Variants in GAL observed in about 807,000 individuals in gnomAD.
GAL encodes galanin peptides.
In GAL, 14 loss-of-function variants were observed where a neutral mutation model predicts 15.8. The ratio of observed to expected loss-of-function variants is 0.89; its 90% CI spans 0.59 to 1.39. The LOEUF (loss-of-function observed/expected upper bound fraction) is 1.39, where lower values mean the gene tolerates loss of function less well. GAL is among the 40% of genes most tolerant of loss of function. The probability of loss-of-function intolerance (pLI) is 0.00; values close to 1 mark genes in which losing one functional copy is unlikely to be tolerated. For synonymous variants in GAL, 79 were observed against 73.8 expected (o/e 1.07, Z -0.36); for missense variants, 176 against 170.4 (o/e 1.03, Z -0.18).
chr11:68,688,488 G>A (rs1945875297), intron 4 of GAL, among the ~76,000 whole-genome samples: 1 of 152,200 alleles, frequency 6.6e-6, no homozygotes, highest in Non-Finnish European at 1.5e-5. Context: ...AATTAGCCAG[G>A]CGTGGTGGTG....
At chr11:68,685,732 G>T in intron 3 of GAL, 84 bp downstream of exon 3, 2 of 928,736 alleles carry the variant, frequency 2.2e-6, no homozygotes, top group Non-Finnish European at 3.5e-6. Context: ...CTCCGCCTGC[G>T]GCTGGGCAGA....
chr11:68,690,846 G>GT (rs1945897920), intron 5 of GAL, 71 bp from the exon 6 acceptor site: 1 of 966,072 alleles, frequency 1.0e-6, no homozygotes, highest in Non-Finnish European at 1.7e-6. Flanking sequence ...CCTGTAGCAT[G>GT]TGTCGTGGTT....
At chr11:68,687,624 G>C (rs1321923050) in intron 3 of GAL, among the ~76,000 whole-genome samples, 1 of 152,168 alleles carries the variant, frequency 6.6e-6, no homozygotes, top group Non-Finnish European at 1.5e-5. Flanking sequence ...AGGGACATGA[G>C]GACCCAGCTC....
Position 68,684,670 on chromosome 11 carries a change from G to A in GAL, c.-63G>A, listed in dbSNP as rs1019988363. On this transcript the variant is annotated 5_prime_UTR_variant, in exon 1 of 6. Coordinates refer to ENST00000265643, the MANE Select transcript of GAL (RefSeq NM_015973.5). The stretch of plus-strand genomic sequence containing the variant: ...ACCCGGCCCGACGCCCGGACCTGCC[G>A]CCCAGACCCGCCACCGCACCCGGAC... 4.1e-5 allele frequency: 15 copies of A among 366,992 alleles called. No individual in the cohort carries two copies. Among genetic ancestry groups the A allele is most frequent in the African/African-American group, 1.9e-4 (9 of 47,248 alleles). The allele number at this position is 366,992 out of a possible 1,614,324, so 22.7% of individuals were successfully genotyped here.
chr11:68,687,318 C>G (rs1945862846), intron 3 of GAL, among the ~76,000 whole-genome samples: 1 of 152,142 alleles, frequency 6.6e-6, no homozygotes, highest in Non-Finnish European at 1.5e-5. Flanking sequence ...CCTCTTCACC[C>G]CACGCCTCTT....
In GAL at chr11:68,684,624, C is replaced by T. The variant is rs1945830994; in HGVS notation, c.-109C>T. On this transcript the variant is annotated 5_prime_UTR_variant, in exon 1 of 6. Coordinates refer to ENST00000265643, the MANE Select transcript of GAL (RefSeq NM_015973.5). ...CGGCCGCGCCATGCGGTGAGCGCCC[C>T]AGGCCGCCAGAGCCCACCCGACCCG... The T allele has an allele frequency of 3.5e-6, 1 of 288,814 alleles. No homozygotes were observed. Among genetic ancestry groups the T allele is most frequent in the Non-Finnish European group, 6.4e-6 (1 of 156,164 alleles). The allele number at this position is 288,814 out of a possible 1,614,324, so 17.9% of individuals were successfully genotyped here.
At chr11:68,690,372 G>T (rs1453674275) in intron 5 of GAL, among the ~76,000 whole-genome samples, 1 of 152,186 alleles carries the variant, frequency 6.6e-6, no homozygotes, top group Non-Finnish European at 1.5e-5. Context: ...TTTTTCATTT[G>T]CAGTGTTATC....
At chr11:68,689,655 C>A (rs553025632) in intron 5 of GAL, among the ~76,000 whole-genome samples, 2 of 152,226 alleles carry the variant, frequency 1.3e-5, no homozygotes, top group African/African-American at 4.8e-5. Context: ...CCTCAGTCTC[C>A]CAAAGTGCTG....
Position 68,688,015 on chromosome 11 carries a change from TG to T in GAL, c.139del (p.Ala47ProfsTer26). 1 of 1,605,710 alleles carries T rather than the reference TG, an allele frequency of 6.2e-7. No individual in the cohort carries two copies. Among genetic ancestry groups the T allele is most frequent in the Non-Finnish European group, 8.5e-7 (1 of 1,172,666 alleles). On this transcript the variant is annotated frameshift_variant and splice_region_variant, in exon 4 of 6. Transcript: ENST00000265643. LOFTEE classifies it high-confidence loss of function. ...NSAGYLLGPH[A>X]VGNHRSFSDK... ...CTTTCCTCTCTGATCTGCAAACAGA[TG>T]CCGTTGGCAACCACAGGTCATTCAG...
chr11:68,688,292 AG>A (rs1033415979), intron 4 of GAL, among the ~76,000 whole-genome samples, 192 bp downstream of exon 4: 1 of 152,140 alleles, frequency 6.6e-6, no homozygotes, highest in Non-Finnish European at 1.5e-5. Flanking sequence ...CGAGACAGCA[AG>A]GGGTCCTTCT....
rs1945844204 is a variant in GAL at position 68,685,603 on chromosome 11, A to G, written c.91A>G (p.Lys31Glu). Residue 31 changes from lysine to glutamate, a missense_variant, in exon 3 of 6, where the codon AAA becomes GAA. Physicochemically the swap from Lys to Glu is moderately conservative, Grantham distance 56. Transcript: ENST00000265643. Reference protein sequence around the residue: ...SAGLWSPAKEKRGWTLNSAGY... With the variant: ...SAGLWSPAKEERGWTLNSAGY... ...CTTTTCTCCCTTCAAGGCCAAGGAA[A>G]AACGAGGCTGGACCCTGAACAGCGC... 1 of 1,613,562 alleles carries G rather than the reference A, an allele frequency of 6.2e-7. No individual in the cohort carries two copies. The highest frequency in any genetic ancestry group is 1.7e-5 in the Admixed American group (1 of 60,018).
intron 5 of GAL, among the ~76,000 whole-genome samples, 195 bp downstream of exon 5, chr11:68,689,121 G>A (rs1945882116): frequency 6.6e-6 from 1 of 152,124 alleles, no homozygotes; most frequent in African/African-American, 2.4e-5. Context: ...TGGGATTGCG[G>A]CAGGGGCATT....
At chr11:68,686,652 G>C (rs900962725) in intron 3 of GAL, among the ~76,000 whole-genome samples, 1 of 152,176 alleles carries the variant, frequency 6.6e-6, no homozygotes, top group Non-Finnish European at 1.5e-5. Flanking sequence ...CTGAGGCCGC[G>C]TGCGGATCGG....
rs555783857 is a variant in GAL, at chr11:68,687,988, GGC to G, written c.137-25_137-24del. The G allele has an allele frequency of 1.1e-3, 1,715 of 1,510,890 alleles. 29 individuals carry two copies. In the South Asian group the frequency reaches 0.018, roughly 16 times the overall value. 93.6% of individuals were successfully genotyped at this position (1,510,890 alleles called of 1,614,324 possible). ...GGCGTGCATGACAGTCACACCCAGAGGCTTTCCTCTCTGATCTGCAAACAGAT... is the reference window on the plus strand; with the variant it reads ...GGCGTGCATGACAGTCACACCCAGAGTTTCCTCTCTGATCTGCAAACAGAT... On this transcript the variant is annotated intron_variant, in intron 3 of 5. Coordinates refer to ENST00000265643, the MANE Select transcript of GAL (RefSeq NM_015973.5).
At chr11:68,689,524 GTAGCTGGGAAAACAGGTGCGCACAAT>G (rs1322385706) in intron 5 of GAL, among the ~76,000 whole-genome samples, 1 of 151,936 alleles carries the variant, frequency 6.6e-6, no homozygotes, top group Admixed American at 6.6e-5. Flanking sequence ...TTCTTCCCAG[GTAGCTGGGAAAACAGGTGCGCACAAT>G]TATGCCTGGC....
chr11:68,684,611 G>T lies in GAL; in HGVS notation c.-122G>T. The T allele has an allele frequency of 7.6e-6, 2 of 261,936 alleles. No individual in the cohort carries two copies. Among genetic ancestry groups the T allele is most frequent in the Non-Finnish European group, 1.4e-5 (2 of 139,158 alleles). 16.2% of individuals were successfully genotyped at this position (261,936 alleles called of 1,614,324 possible). ...CTGCCCCTGCTGCCGGCCGCGCCAT[G>T]CGGTGAGCGCCCCAGGCCGCCAGAG... On this transcript the variant is annotated 5_prime_UTR_variant, in exon 1 of 6. It removes an upstream start codon present in the reference 5' UTR. Transcript: ENST00000265643.
chr11:68,688,685 T>A (rs1199489164), intron 4 of GAL, among the ~76,000 whole-genome samples, 164 bp from the exon 5 acceptor site: 1 of 151,918 alleles, frequency 6.6e-6, no homozygotes, highest in Non-Finnish European at 1.5e-5. Context: ...TCTCCCCAAC[T>A]CCCTCACATT....
chr11:68,689,590 G>T (rs1468497511), intron 5 of GAL, among the ~76,000 whole-genome samples: 1 of 152,108 alleles, frequency 6.6e-6, no homozygotes, highest in African/African-American at 2.4e-5. Flanking sequence ...AGAGGCTGGG[G>T]TTCATCATGT....
intron 5 of GAL, among the ~76,000 whole-genome samples, chr11:68,690,420 G>C (rs537110254): frequency 3.3e-5 from 5 of 152,228 alleles, no homozygotes; most frequent in Admixed American, 6.5e-5. Flanking sequence ...GAGGGAAGAG[G>C]AGTGAGGGGA....
Sources: gnomAD v4.1 joint callset for allele counts (sites outside exome capture counted in the v4.1 genomes callset) on GRCh38, gnomAD v4.1.1 for gene constraint, MANE v1.5 for transcripts, NCBI Gene and HGNC (gene_info 2026-07-23, HGNC 2026-07-21) for gene names.